LRRC2: variants seen among roughly 807,000 people sequenced by gnomAD.
LRRC2 encodes the protein leucine-rich repeat-containing protein 2.
Under a neutral mutation model 40.2 loss-of-function variants are expected in LRRC2, and 27 were observed. The ratio of observed to expected loss-of-function variants is 0.67; its 90% confidence interval spans 0.49 to 0.93. The LOEUF (loss-of-function observed/expected upper bound fraction) is 0.93. LRRC2 is among the 40% of genes least tolerant of loss of function. The pLI, the probability that LRRC2 is intolerant of heterozygous loss-of-function variation, is 0.00. For synonymous variants in LRRC2, 147 were observed against 158.9 expected (o/e 0.92, Z 0.56); for missense variants, 402 against 439.6 (o/e 0.91, Z 0.76).
chr3:46,538,598 C>T (rs1367996176), intron 4 of LRRC2, among the ~76,000 whole-genome samples: 2 of 151,988 alleles, frequency 1.3e-5, no homozygotes, highest in Non-Finnish European at 2.9e-5. Context: ...TGTGCCATTG[C>T]ACTCCAGCTG....
intron 7 of LRRC2, 85 bp downstream of exon 7, chr3:46,527,341 G>T (rs1704077554): frequency 1.6e-5 from 23 of 1,408,526 alleles, no homozygotes; most frequent in South Asian, 1.6e-4. Flanking sequence ...TCTAATCCGG[G>T]TCTTGAGACA....
rs533292966 is a variant in LRRC2, at chr3:46,518,227, C to A, written c.*787G>T. On this transcript the variant is annotated 3_prime_UTR_variant, in exon 9 of 9. Coordinates refer to ENST00000395905, the MANE Select transcript of LRRC2 (RefSeq NM_024512.5). ...ACACTTGCCAAAATATAACTTAAAA[C>A]ATATGGAAATAGCAGTTTATATAAA... 2.6e-4 allele frequency: 39 copies of A among 152,340 alleles called. No individual in the cohort carries two copies. The highest frequency in any genetic ancestry group is 9.4e-4 in the African/African-American group (39 of 41,576). 9.4% of individuals were successfully genotyped at this position (152,340 alleles called of 1,614,324 possible). A position where few individuals can be genotyped will look rare whatever the true frequency, so the allele number is the denominator to read the frequency against.
intron 1 of LRRC2, among the ~76,000 whole-genome samples, chr3:46,555,270 C>A (rs1704766309): frequency 6.6e-6 from 1 of 152,110 alleles, no homozygotes; most frequent in South Asian, 2.1e-4. Flanking sequence ...ATTTTGTAGA[C>A]AGACTATTGC....
rs142233639 is a variant in LRRC2 at position 46,534,533 on chromosome 3, T to C, written c.491-1624A>G. Among the ~76,000 whole-genome samples, 317 of 152,022 alleles carry C rather than the reference T, an allele frequency of 2.1e-3. 4 individuals are homozygous for C. Among genetic ancestry groups the C allele is most frequent in the Admixed American group, 0.017 (260 of 15,252 alleles). On this transcript the variant is annotated intron_variant, in intron 4 of 8. Transcript: ENST00000395905. ...GGAACAAAGTACAGTTTCTACTAAA[T>C]GCACACCACTTTCACACCATCAAAA...
At chr3:46,563,023 G>A (rs753989490) in intron 1 of LRRC2, among the ~76,000 whole-genome samples, 1 of 152,070 alleles carries the variant, frequency 6.6e-6, no homozygotes, top group Non-Finnish European at 1.5e-5. Flanking sequence ...ACTGTACTCG[G>A]CCAGAAGTCA....
intron 5 of LRRC2, among the ~76,000 whole-genome samples, chr3:46,531,829 G>T (rs1277585534): frequency 6.6e-6 from 1 of 152,094 alleles, no homozygotes; most frequent in African/African-American, 2.4e-5. Context: ...GATGGCAATC[G>T]GTGTCCAGTG....
chr3:46,542,685 C>G (rs1239967047), intron 3 of LRRC2, among the ~76,000 whole-genome samples: 1 of 152,140 alleles, frequency 6.6e-6, no homozygotes, highest in Non-Finnish European at 1.5e-5. Flanking sequence ...AAAAAACAAA[C>G]AGCAAACAGC....
intron 4 of LRRC2, among the ~76,000 whole-genome samples, chr3:46,534,423 C>CTTT (rs1559412272): frequency 0.17 from 17,446 of 100,798 alleles, 1,209 homozygotes; most frequent in Non-Finnish European, 0.19. Flanking sequence ...TTCCTTCCTT[C>CTTT]CTTTCTTTCT....
chr3:46,535,048 G>T (rs1231919096), intron 4 of LRRC2, among the ~76,000 whole-genome samples: 2 of 152,130 alleles, frequency 1.3e-5, no homozygotes, highest in African/African-American at 4.8e-5. Flanking sequence ...TGCCCCACAT[G>T]TGAAAATTGA....
At chr3:46,542,820 G>A (rs1704425002) in intron 3 of LRRC2, among the ~76,000 whole-genome samples, 1 of 152,102 alleles carries the variant, frequency 6.6e-6, no homozygotes, top group Non-Finnish European at 1.5e-5. Flanking sequence ...CAAAACAGGA[G>A]CCCCAGCCCT....
rs17078944 is a variant in LRRC2 at position 46,539,101 on chromosome 3, G to T, written c.434C>A (p.Ala145Glu). 543,548 of 1,612,202 alleles carry T rather than the reference G, an allele frequency of 0.34. 95,005 individuals carry two copies. Among genetic ancestry groups the T allele is most frequent in the South Asian group, 0.46 (41,375 of 90,908 alleles). The change falls in exon 4 of 9, where the codon GCG becomes GAG. Residue 145 changes from alanine to glutamate, a missense_variant. By Grantham distance (107) the Ala-to-Glu change is moderately radical. Transcript: ENST00000395905. ...TTTTGGCAGATCCAGAATTCTCATCGCTTGAAATAACTGAATATATGTAGG... is the reference window on the plus strand; with the variant it reads ...TTTTGGCAGATCCAGAATTCTCATCTCTTGAAATAACTGAATATATGTAGG... The part of the protein sequence containing the change: ...IIPTYIQLFQ[A>E]MRILDLPKNQ...
intron 7 of LRRC2, among the ~76,000 whole-genome samples, chr3:46,522,759 TAA>T (rs1491227322): frequency 2.5e-5 from 2 of 80,378 alleles, no homozygotes; most frequent in African/African-American, 1.1e-4. Flanking sequence ...GAACTACTGC[TAA>T]CACACACACA....
At chr3:46,557,656 T>G (rs1356864157) in intron 1 of LRRC2, 6 of 152,252 alleles carry the variant, frequency 3.9e-5, no homozygotes, top group Non-Finnish European at 4.4e-5. Context: ...TTTTTCTATC[T>G]TTCCATTCAT....
intron 3 of LRRC2, among the ~76,000 whole-genome samples, chr3:46,544,738 G>A (rs1024612677): frequency 1.3e-5 from 2 of 152,204 alleles, no homozygotes; most frequent in South Asian, 2.1e-4. Context: ...AATGAAAGGC[G>A]CCGTCACTTA....
At chr3:46,554,597 G>A (rs1434106509) in intron 1 of LRRC2, among the ~76,000 whole-genome samples, 7 of 149,724 alleles carry the variant, frequency 4.7e-5, no homozygotes, top group South Asian at 2.1e-4. Flanking sequence ...AGCCGAGATC[G>A]TACCAGCGCA....
At chr3:46,562,912 G>A (rs1051198350) in intron 1 of LRRC2, among the ~76,000 whole-genome samples, 3 of 152,000 alleles carry the variant, frequency 2.0e-5, no homozygotes, top group Non-Finnish European at 4.4e-5. Context: ...TTTTAGTAGA[G>A]ATAGGGTTTC....
At chr3:46,551,861 C>T (rs192963920) in intron 1 of LRRC2, among the ~76,000 whole-genome samples, 138 of 149,802 alleles carry the variant, frequency 9.2e-4, no homozygotes, top group Middle Eastern at 3.4e-3. Flanking sequence ...TGCAGTGGCA[C>T]GATCATAGCT....
intron 7 of LRRC2, among the ~76,000 whole-genome samples, chr3:46,525,795 A>C (rs1317980550): frequency 6.6e-6 from 1 of 152,030 alleles, no homozygotes; most frequent in Admixed American, 6.6e-5. Context: ...AATATTCAAG[A>C]CTTCTTTATT....
chr3:46,543,981 G>C (rs1041837995), intron 3 of LRRC2, among the ~76,000 whole-genome samples: 1 of 102,460 alleles, frequency 9.8e-6, no homozygotes, highest in Non-Finnish European at 2.5e-5. Flanking sequence ...CTCAGATAGG[G>C]TCAGGGCAAG....
Sources: gnomAD v4.1 joint callset for allele counts (sites outside exome capture counted in the v4.1 genomes callset) on GRCh38, gnomAD v4.1.1 for gene constraint, MANE v1.5 for transcripts, NCBI Gene and HGNC (gene_info 2026-07-23, HGNC 2026-07-21) for gene names.